The following NXPE2 variants were observed in gnomAD, a reference collection of about 807,000 sequenced individuals.
NXPE2 encodes the protein neurexophilin and PC-esterase domain family member 2.
Under a neutral mutation model 34.4 loss-of-function variants are expected in NXPE2, and 34 were observed. The ratio of observed to expected loss-of-function variants is 0.99; its 90% CI spans 0.75 to 1.31. The LOEUF is 1.31. Among genes scored for constraint, NXPE2 ranks in the 40% most tolerant of loss-of-function variants. The probability of loss-of-function intolerance (pLI) is 0.00; values close to 1 mark genes in which losing one functional copy is unlikely to be tolerated. For missense variants in NXPE2, 649 were observed against 672.5 expected (o/e 0.97, Z 0.39); for synonymous variants, 235 against 231.3 (o/e 1.02, Z -0.15).
the NXPE2 span, among the ~76,000 whole-genome samples, chr11:114,734,460 T>C: frequency 1.1e-4 from 16 of 152,202 alleles, no homozygotes; most frequent in Non-Finnish European, 1.9e-4. Flanking sequence ...ATTGGTTTAC[T>C]TTTCTTTGTA....
chr11:114,576,057 G>T, the NXPE2 span, among the ~76,000 whole-genome samples: 3 of 152,062 alleles, frequency 2.0e-5, no homozygotes, highest in African/African-American at 7.2e-5. Context: ...AATACTTACA[G>T]CCAACTGATC....
the NXPE2 span, among the ~76,000 whole-genome samples, chr11:114,651,291 G>C: frequency 1.3e-5 from 2 of 151,806 alleles, no homozygotes; most frequent in African/African-American, 4.8e-5. Context: ...TCGTGGTCTC[G>C]CTGACTTTAG....
chr11:114,698,707 C>G lies in NXPE2; in HGVS notation c.795C>G (p.Ala265=). The G allele has an allele frequency of 1.9e-6, 3 of 1,613,546 alleles. No homozygotes were observed. Residue 265 remains alanine, a synonymous_variant, in exon 3 of 6, where the codon GCC becomes GCG. Coordinates refer to ENST00000389586, the MANE Select transcript of NXPE2 (RefSeq NM_182495.6). ...GGCCTCAACATATGCCCTGTGAGGC[C>G]TTGACCCACATGACCACTAGGACAA... ...CVRPQHMPCE[A]LTHMTTRTRN...
chr11:114,589,967 C>G, the NXPE2 span, among the ~76,000 whole-genome samples: 1 of 152,218 alleles, frequency 6.6e-6, no homozygotes, highest in African/African-American at 2.4e-5. Flanking sequence ...AAATGGTTTA[C>G]AGTCTTAGAT....
At chr11:114,660,072 A>G in the NXPE2 span, among the ~76,000 whole-genome samples, 1 of 152,130 alleles carries the variant, frequency 6.6e-6, no homozygotes, top group Admixed American at 6.5e-5. Flanking sequence ...TGAAAGACAC[A>G]AACTACCAAC....
the NXPE2 span, among the ~76,000 whole-genome samples, chr11:114,626,613 G>A: frequency 1.7e-4 from 26 of 152,286 alleles, no homozygotes; most frequent in South Asian, 1.2e-3. Flanking sequence ...AAAGCAGAGC[G>A]CCTCTCCTCC....
At chr11:114,763,438 G>A in the NXPE2 span, among the ~76,000 whole-genome samples, 1 of 151,814 alleles carries the variant, frequency 6.6e-6, no homozygotes, top group African/African-American at 2.4e-5. Flanking sequence ...AGCCTGTGCA[G>A]CCTTATCATC....
chr11:114,647,348 C>A, the NXPE2 span, among the ~76,000 whole-genome samples: 1 of 151,964 alleles, frequency 6.6e-6, no homozygotes, highest in African/African-American at 2.4e-5. Context: ...TTTGGGTGTT[C>A]CCTTTACTTT....
At chr11:114,810,019 C>A in the NXPE2 span, among the ~76,000 whole-genome samples, 4 of 142,110 alleles carry the variant, frequency 2.8e-5, no homozygotes, top group African/African-American at 1.2e-4. Context: ...CAGAACAGAG[C>A]CCTCAGAAAT....
chr11:114,769,648 C>T, the NXPE2 span, among the ~76,000 whole-genome samples: 1 of 152,118 alleles, frequency 6.6e-6, no homozygotes, highest in Non-Finnish European at 1.5e-5. Flanking sequence ...AGGATGGGTT[C>T]ATGTCCTTTG....
At chr11:114,637,232 T>C in the NXPE2 span, among the ~76,000 whole-genome samples, 1 of 151,900 alleles carries the variant, frequency 6.6e-6, no homozygotes, top group African/African-American at 2.4e-5. Context: ...CTTCTTTGTC[T>C]CTTTTGATCT....
intron 2 of NXPE2, among the ~76,000 whole-genome samples, chr11:114,689,411 G>A (rs904883580): frequency 6.6e-6 from 1 of 151,844 alleles, no homozygotes; most frequent in African/African-American, 2.4e-5. Flanking sequence ...TCCTCTTGGT[G>A]TTGCTTTCTA....
chr11:114,739,135 C>T, the NXPE2 span, among the ~76,000 whole-genome samples: 1 of 152,138 alleles, frequency 6.6e-6, no homozygotes, highest in East Asian at 1.9e-4. Flanking sequence ...TGCAGTGATG[C>T]ACCACACCAG....
At chr11:114,542,021 T>C in the NXPE2 span, among the ~76,000 whole-genome samples, 1 of 152,224 alleles carries the variant, frequency 6.6e-6, no homozygotes, top group Non-Finnish European at 1.5e-5. Context: ...ACTATGGCTG[T>C]GGCTATATCA....
the NXPE2 span, among the ~76,000 whole-genome samples, chr11:114,650,464 A>G: frequency 8.5e-5 from 13 of 152,296 alleles, no homozygotes; most frequent in East Asian, 2.5e-3. Context: ...GCAGGCATGA[A>G]GGAAGTAATT....
At chr11:114,467,036 A>T in the NXPE2 span, among the ~76,000 whole-genome samples, 4 of 152,198 alleles carry the variant, frequency 2.6e-5, no homozygotes, top group African/African-American at 9.7e-5. Context: ...TACAGTAGTG[A>T]TCCTAAATTT....
Position 114,707,038 on chromosome 11 carries a change from T to G in NXPE2, c.*108T>G. ...TTTGAGGAAACTAAATTTGAAAAAG[T>G]TCTATTAAAGTTAAATATATGTAAC... On this transcript the variant is annotated 3_prime_UTR_variant, in exon 6 of 6. Transcript: ENST00000389586. 1.2e-6 allele frequency: 1 copy of G among 844,584 alleles called. No homozygotes were observed. 52.3% of individuals were successfully genotyped at this position (844,584 alleles called of 1,614,324 possible). A position where few individuals can be genotyped will look rare whatever the true frequency, so the allele number is the denominator to read the frequency against.
chr11:114,671,264 A>T, the NXPE2 span, among the ~76,000 whole-genome samples: 412 of 151,612 alleles, frequency 2.7e-3, 2 homozygotes, highest in Non-Finnish European at 4.6e-3. Flanking sequence ...GAGAAAAATA[A>T]TAAGAATATA....
At chr11:114,739,359 C>T in the NXPE2 span, among the ~76,000 whole-genome samples, 51 of 71,152 alleles carry the variant, frequency 7.2e-4, 1 homozygote, top group East Asian at 5.3e-3. Flanking sequence ...TCTCTCCCTC[C>T]CTCCCTCCCT....
Sources: gnomAD v4.1 joint callset for allele counts (sites outside exome capture counted in the v4.1 genomes callset) on GRCh38, gnomAD v4.1.1 for gene constraint, MANE v1.5 for transcripts, NCBI Gene and HGNC (gene_info 2026-07-23, HGNC 2026-07-21) for gene names.